The following DLGAP2 variants were observed in gnomAD, a reference collection of about 807,000 sequenced individuals.
DLGAP2 encodes disks large-associated protein 2.
In DLGAP2, 26 loss-of-function variants were observed where a neutral mutation model predicts 100.3. The ratio of observed to expected loss-of-function variants is 0.26; its 90% CI spans 0.19 to 0.36. The LOEUF (loss-of-function observed/expected upper bound fraction) is 0.36, where lower values mean the gene tolerates loss of function less well. DLGAP2 is among the 10% of genes least tolerant of loss of function. The pLI is 1.00. For missense variants in DLGAP2, 1,858 were observed against 1,453.2 expected (o/e 1.28, Z -4.53); for synonymous variants, 886 against 630.1 (o/e 1.41, Z -6.08).
At chr8:1,121,501 G>C (rs997972327) in intron 2 of DLGAP2, among the ~76,000 whole-genome samples, 2 of 149,812 alleles carry the variant, frequency 1.3e-5, no homozygotes, top group East Asian at 2.0e-4. Flanking sequence ...TCCCATCCTT[G>C]TTCCTCCAGA....
chr8:1,453,238 C>T (rs537872577), intron 3 of DLGAP2, among the ~76,000 whole-genome samples: 22 of 152,042 alleles, frequency 1.4e-4, no homozygotes, highest in African/African-American at 2.2e-4. Context: ...GGGACGGAGA[C>T]GGGAATGGGC....
At chr8:1,241,824 A>G (rs1312634607) in intron 2 of DLGAP2, among the ~76,000 whole-genome samples, 1 of 152,202 alleles carries the variant, frequency 6.6e-6, no homozygotes, top group East Asian at 1.9e-4. Context: ...GACACTCTTA[A>G]ATCTTATGAG....
chr8:1,465,191 C>T (rs558581151), intron 3 of DLGAP2, among the ~76,000 whole-genome samples: 1 of 152,376 alleles, frequency 6.6e-6, no homozygotes, highest in African/African-American at 2.4e-5. Context: ...GAGCTTCTAA[C>T]CAGCCAGTGG....
intron 2 of DLGAP2, among the ~76,000 whole-genome samples, chr8:1,149,915 C>T (rs893632703): frequency 4.6e-5 from 7 of 152,186 alleles, no homozygotes; most frequent in Non-Finnish European, 1.5e-5. Flanking sequence ...AATGCCAAGA[C>T]CCTGGAACCT....
intron 3 of DLGAP2, among the ~76,000 whole-genome samples, chr8:1,429,400 A>C (rs552981151): frequency 6.6e-5 from 10 of 152,248 alleles, no homozygotes; most frequent in African/African-American, 2.4e-4. Context: ...GCTGTCACTC[A>C]CTGTGAGCTC....
chr8:1,408,478 C>T (rs1346416233), intron 3 of DLGAP2, among the ~76,000 whole-genome samples: 1 of 152,184 alleles, frequency 6.6e-6, no homozygotes, highest in Non-Finnish European at 1.5e-5. Context: ...CCTGAAGCCC[C>T]CATGGCCCTG....
At chr8:947,495 C>A (rs1799358624) in intron 2 of DLGAP2, among the ~76,000 whole-genome samples, 1 of 152,222 alleles carries the variant, frequency 6.6e-6, no homozygotes, top group Admixed American at 6.5e-5. Context: ...CGGCTGTGTT[C>A]CAGTAAGATG....
At chr8:996,145 C>G (rs1210104696) in intron 2 of DLGAP2, among the ~76,000 whole-genome samples, 1 of 152,162 alleles carries the variant, frequency 6.6e-6, no homozygotes, top group African/African-American at 2.4e-5. Context: ...CCCCTCTGTT[C>G]CTCTCCACTC....
intron 3 of DLGAP2, chr8:1,301,295 C>G (rs1196945367): frequency 6.6e-6 from 1 of 152,284 alleles, no homozygotes. Context: ...TCCATGGAAG[C>G]TGCTGTCTCC....
intron 1 of DLGAP2, among the ~76,000 whole-genome samples, chr8:842,246 C>G (rs1023049804): frequency 6.6e-6 from 1 of 152,178 alleles, no homozygotes; most frequent in Non-Finnish European, 1.5e-5. Context: ...AAAACATATT[C>G]ATGGGAACAA....
At chr8:1,432,854 T>C (rs1241836048) in intron 3 of DLGAP2, among the ~76,000 whole-genome samples, 2 of 152,126 alleles carry the variant, frequency 1.3e-5, no homozygotes, top group Admixed American at 1.3e-4. Flanking sequence ...CCCGGTGACT[T>C]GGGTCCTGAC....
chr8:1,150,351 T>C (rs951017005), intron 2 of DLGAP2, among the ~76,000 whole-genome samples: 1 of 152,252 alleles, frequency 6.6e-6, no homozygotes, highest in African/African-American at 2.4e-5. Context: ...GTATCATTGC[T>C]TAAATCTTAC....
At position 1,142,303 on chromosome 8, in the gene DLGAP2, C is replaced by T. The variant is rs1051400785; in HGVS notation, c.74-116548C>T. Among the ~76,000 whole-genome samples the T allele has an allele frequency of 2.0e-5, 3 of 152,110 alleles. No individual in the cohort carries two copies. The East Asian group carries it at 5.8e-4, about 29-fold the overall frequency. ...AATTTTTTTCTGAAGAAAAAAAGTACGACACAGAAGCCATGAGTTCTGAGC... is the reference window on the plus strand; with the variant it reads ...AATTTTTTTCTGAAGAAAAAAAGTATGACACAGAAGCCATGAGTTCTGAGC... On this transcript the variant is annotated intron_variant, in intron 2 of 14. Transcript: ENST00000637795.
rs750706691 is a variant in DLGAP2 at position 1,549,520 on chromosome 8, G to C, written c.1067G>C (p.Gly356Ala). 1 of 1,613,420 alleles carries C rather than the reference G, an allele frequency of 6.2e-7. No homozygotes were observed. Among genetic ancestry groups the C allele is most frequent in the African/African-American group, 1.3e-5 (1 of 75,060 alleles). The change falls in exon 5 of 15, where the codon GGG becomes GCG. Residue 356 changes from glycine (G) to alanine (A), a missense_variant. Gly to Ala is a moderately conservative substitution (Grantham distance 60). Transcript: ENST00000637795. ...GACGTCAAGTGCTCGGCCTGTGAGGGGTTGGCGCTGACGCCCGACGCCAAG... is the reference window on the plus strand; with the variant it reads ...GACGTCAAGTGCTCGGCCTGTGAGGCGTTGGCGCTGACGCCCGACGCCAAG... ...NNDVKCSACEGLALTPDAKYL... is the reference protein window; with the variant it reads ...NNDVKCSACEALALTPDAKYL...
intron 4 of DLGAP2, among the ~76,000 whole-genome samples, chr8:1,506,008 A>G (rs1284239967): frequency 6.6e-6 from 1 of 152,220 alleles, no homozygotes; most frequent in African/African-American, 2.4e-5. Context: ...ACACTGAGAA[A>G]ATGTACACAC....
At chr8:1,450,979 C>T (rs966007410) in intron 3 of DLGAP2, among the ~76,000 whole-genome samples, 6 of 152,114 alleles carry the variant, frequency 3.9e-5, no homozygotes, top group South Asian at 2.1e-4. Context: ...CTCGTAAGGG[C>T]GCCAGTGACA....
intron 2 of DLGAP2, among the ~76,000 whole-genome samples, chr8:979,886 G>C (rs964279209): frequency 6.6e-6 from 1 of 152,192 alleles, no homozygotes; most frequent in Non-Finnish European, 1.5e-5. Context: ...GTTTCCTTGG[G>C]TTTGCCATTC....
intron 8 of DLGAP2, among the ~76,000 whole-genome samples, chr8:1,663,780 G>T (rs1216575199): frequency 1.3e-5 from 2 of 152,182 alleles, no homozygotes; most frequent in African/African-American, 2.4e-5. Flanking sequence ...GAGGAAAGCA[G>T]AGCAAAACAA....
At chr8:1,507,501 C>T (rs1391882303) in intron 4 of DLGAP2, among the ~76,000 whole-genome samples, 1 of 152,160 alleles carries the variant, frequency 6.6e-6, no homozygotes, top group Non-Finnish European at 1.5e-5. Flanking sequence ...TGAGCCCACA[C>T]CTCTCCCTCC....
Sources: gnomAD v4.1 joint callset for allele counts (sites outside exome capture counted in the v4.1 genomes callset) on GRCh38, gnomAD v4.1.1 for gene constraint, MANE v1.5 for transcripts, NCBI Gene and HGNC (gene_info 2026-07-23, HGNC 2026-07-21) for gene names.